R3HCC1L: variants seen among roughly 807,000 people sequenced by gnomAD.
The protein encoded by R3HCC1L is R3H domain and coiled-coil containing 1 like.
A neutral mutation model predicts 59.9 loss-of-function variants in R3HCC1L; 51 were observed. The ratio of observed to expected loss-of-function variants is 0.85; its 90% CI spans 0.68 to 1.07. The LOEUF is 1.07. Among genes scored for constraint, R3HCC1L ranks in the 50% least tolerant of loss-of-function variants. The pLI is 0.00. For missense variants in R3HCC1L, 965 were observed against 933.0 expected (o/e 1.03, Z -0.45); for synonymous variants, 322 against 315.2 (o/e 1.02, Z -0.23).
chr10:98,198,618 T>C (rs575935916), intron 4 of R3HCC1L, among the ~76,000 whole-genome samples: 3 of 152,232 alleles, frequency 2.0e-5, no homozygotes, highest in East Asian at 3.9e-4. Flanking sequence ...CAGATTGTTA[T>C]CTAATTGGTT....
At chr10:98,223,301 G>A (rs1171943428) in intron 5 of R3HCC1L, among the ~76,000 whole-genome samples, 1 of 152,082 alleles carries the variant, frequency 6.6e-6, no homozygotes, top group African/African-American at 2.4e-5. Flanking sequence ...TAAAATACTG[G>A]CAAAACGAAT....
chr10:98,236,161 A>G lies in R3HCC1L; in HGVS notation c.2266A>G (p.Arg756Gly). 3.1e-6 allele frequency: 5 copies of G among 1,613,714 alleles called. No individual in the cohort carries two copies. In the South Asian group the frequency reaches 3.3e-5, roughly 11 times the overall value. The change falls in exon 9 of 10, where the codon AGA becomes GGA. Residue 756 changes from arginine to glycine, a missense_variant. By Grantham distance (125) the Arg-to-Gly change is moderately radical (BLOSUM62 -2). Transcript: ENST00000298999. ...EAELKKLQEA[R>G]ERKRLEAKQR... ...AGAGCTCAAGAAACTGCAAGAAGCC[A>G]GAGGTGAGCTGAAAGGGTGGTGTTC...
At chr10:98,216,749 A>T (rs949606380) in intron 5 of R3HCC1L, among the ~76,000 whole-genome samples, 2 of 151,922 alleles carry the variant, frequency 1.3e-5, no homozygotes, top group East Asian at 3.9e-4. Flanking sequence ...ATTTTTAAAA[A>T]ATTTATTTTT....
intron 4 of R3HCC1L, among the ~76,000 whole-genome samples, chr10:98,189,232 T>G (rs1431955882): frequency 1.3e-5 from 2 of 152,052 alleles, no homozygotes; most frequent in Non-Finnish European, 2.9e-5. Context: ...ACAATAAAAA[T>G]CAGGTACTCT....
intron 4 of R3HCC1L, among the ~76,000 whole-genome samples, chr10:98,206,270 ATCTT>A (rs1276066503): frequency 6.7e-6 from 1 of 150,324 alleles, no homozygotes; most frequent in Admixed American, 6.6e-5. Context: ...AAGCCTTTAG[ATCTT>A]TCTTTATGCA....
At chr10:98,231,789 T>C in intron 6 of R3HCC1L, 102 bp downstream of exon 6, 1 of 1,227,154 alleles carries the variant, frequency 8.1e-7, no homozygotes, top group Non-Finnish European at 1.1e-6. Context: ...CCGTTTTTCA[T>C]ATTTTAGCAT....
intron 4 of R3HCC1L, among the ~76,000 whole-genome samples, chr10:98,182,449 G>A (rs1849733063): frequency 6.6e-6 from 1 of 152,070 alleles, no homozygotes; most frequent in South Asian, 2.1e-4. Flanking sequence ...GGTGTCAGTC[G>A]GCCCCTCCTG....
intron 1 of R3HCC1L, 107 bp from the exon 2 acceptor site, chr10:98,155,984 GAT>G (rs1023315338): frequency 2.0e-5 from 3 of 151,726 alleles, no homozygotes; most frequent in African/African-American, 7.2e-5. Flanking sequence ...TTTATTTGCT[GAT>G]AGTGTCTTAA....
chr10:98,178,241 A>G (rs557502135), intron 4 of R3HCC1L, among the ~76,000 whole-genome samples: 16 of 152,168 alleles, frequency 1.1e-4, no homozygotes, highest in South Asian at 2.1e-4. Context: ...TAGTTTTTGT[A>G]TAAGTTGTAA....
At chr10:98,180,790 C>G (rs1849548281) in intron 4 of R3HCC1L, among the ~76,000 whole-genome samples, 1 of 152,140 alleles carries the variant, frequency 6.6e-6, no homozygotes, top group South Asian at 2.1e-4. Flanking sequence ...GAATTGATCC[C>G]TTTACCATTA....
At chr10:98,227,810 C>T (rs1855855181) in intron 5 of R3HCC1L, among the ~76,000 whole-genome samples, 1 of 151,702 alleles carries the variant, frequency 6.6e-6, no homozygotes, top group African/African-American at 2.4e-5. Context: ...CAATTCCCAC[C>T]TATGAGTGAG....
chr10:98,137,393 A>T (rs1396363630), intron 1 of R3HCC1L, among the ~76,000 whole-genome samples: 3 of 152,220 alleles, frequency 2.0e-5, no homozygotes, highest in Non-Finnish European at 4.4e-5. Context: ...ATGTGACCAT[A>T]AATGGCTTAC....
chr10:98,213,771 AT>A (rs1293118501), intron 5 of R3HCC1L, among the ~76,000 whole-genome samples: 3 of 152,056 alleles, frequency 2.0e-5, no homozygotes, highest in African/African-American at 4.8e-5. Context: ...TGTCGTTCTA[AT>A]TTTTTTCACA....
chr10:98,181,342 A>G (rs1347250171), intron 4 of R3HCC1L, among the ~76,000 whole-genome samples: 2 of 152,206 alleles, frequency 1.3e-5, no homozygotes, highest in Non-Finnish European at 2.9e-5. Context: ...AATGTTGAAT[A>G]TTGGACCCCA....
chr10:98,235,377 G>A (rs750477642), intron 7 of R3HCC1L, 48 bp from the exon 8 acceptor site: 7 of 1,512,294 alleles, frequency 4.6e-6, no homozygotes, highest in South Asian at 3.4e-5. Context: ...TTTTTCCTTT[G>A]CATCACTCTA....
chr10:98,233,282 A>T (rs1391753293), intron 6 of R3HCC1L, among the ~76,000 whole-genome samples: 1 of 152,180 alleles, frequency 6.6e-6, no homozygotes, highest in East Asian at 1.9e-4. Flanking sequence ...CTGCAGGACC[A>T]TGTTTCTATC....
chr10:98,145,450 C>T (rs1171820601), intron 1 of R3HCC1L, among the ~76,000 whole-genome samples: 2 of 152,086 alleles, frequency 1.3e-5, no homozygotes, highest in Non-Finnish European at 2.9e-5. Flanking sequence ...AGAAAGGTAA[C>T]GAGTTCAGTT....
At chr10:98,169,722 C>T (rs1006010493) in intron 4 of R3HCC1L, among the ~76,000 whole-genome samples, 11 of 152,114 alleles carry the variant, frequency 7.2e-5, no homozygotes, top group African/African-American at 2.4e-4. Flanking sequence ...AGATAAGAAT[C>T]TTTGTCTTGG....
In R3HCC1L at chr10:98,209,868, G is replaced by T; in HGVS notation, c.1754G>T (p.Gly585Val). The part of the protein sequence containing the change: ...ESWESMFNDD[G>V]DCLDPRLLQE... ...TGGGAGTCTATGTTTAACGATGATG[G>T]TGACTGCCTGGATCCACGTCTTCTA... Residue 585 changes from glycine to valine, a missense_variant, in exon 5 of 10, where the codon GGT (glycine) becomes GTT (valine). Transcript: ENST00000298999. 1 of 1,613,134 alleles carries T rather than the reference G, an allele frequency of 6.2e-7. No homozygotes were observed. The highest frequency in any genetic ancestry group is 8.5e-7 in the Non-Finnish European group (1 of 1,179,336).
Sources: allele counts gnomAD v4.1 joint callset (sites outside exome capture counted in the v4.1 genomes callset), GRCh38; gene constraint gnomAD v4.1.1; transcripts MANE v1.5; gene names NCBI Gene and HGNC (gene_info 2026-07-23, HGNC 2026-07-21).